CD109: variants seen among roughly 807,000 people sequenced by gnomAD.
The protein encoded by CD109 is CD109 antigen.
In CD109, 149 loss-of-function variants were observed where a neutral mutation model predicts 165.8. The observed-to-expected ratio is 0.90, with a 90% CI of 0.79 to 1.03. The LOEUF is 1.03. Ranked by LOEUF, CD109 falls within the 50% of genes least tolerant of loss-of-function variation. CD109 has a pLI of 0.00. For missense variants in CD109, 1,712 were observed against 1,677.8 expected (o/e 1.02, Z -0.36); for synonymous variants, 585 against 592.1 (o/e 0.99, Z 0.18).
chr6:73,766,250 A>G (rs1039018185), intron 11 of CD109, 96 bp downstream of exon 11: 20 of 917,344 alleles, frequency 2.2e-5, no homozygotes, highest in Middle Eastern at 2.2e-4. Flanking sequence ...GAAAGTACAT[A>G]GGAAGTGGAC....
chr6:73,809,941 T>A, intron 26 of CD109, 43 bp from the exon 27 acceptor site: 1 of 1,504,500 alleles, frequency 6.6e-7, no homozygotes, highest in Non-Finnish European at 9.0e-7. Flanking sequence ...AAATGTAATT[T>A]TTCTGGATAA....
chr6:73,707,797 T>A (rs1301644124), intron 2 of CD109, among the ~76,000 whole-genome samples: 1 of 151,978 alleles, frequency 6.6e-6, no homozygotes, highest in Non-Finnish European at 1.5e-5. Flanking sequence ...TCATGTTCAA[T>A]GTTAATATTT....
Position 73,771,574 on chromosome 6 carries a change from T to C in CD109, c.1820T>C (p.Met607Thr). ...NLMNASNDITMENVVHELELY... is the reference protein window; with the variant it reads ...NLMNASNDITTENVVHELELY... ...ATGAATGCCTCTAATGATATTACAA[T>C]GGAAAATGTGAGTTTAGCTATTTTT... is the stretch of plus-strand genomic sequence containing the variant. The change falls in exon 15 of 33, where the codon ATG becomes ACG. Residue 607 changes from methionine to threonine, a missense_variant. Transcript: ENST00000287097. The C allele has an allele frequency of 6.4e-7, 1 of 1,557,312 alleles. No individual in the cohort carries two copies. The highest frequency in any genetic ancestry group is 2.1e-5 in the Admixed American group (1 of 48,540).
chr6:73,699,770 A>G lies in CD109; in HGVS notation c.247+2198A>G, dbSNP rs565402996. Reference sequence around the variant, plus strand: ...TCTTTCATGGGCTGTTTTTGACTCTATTGACATAGAGTTTCATTGAAAATG... The same window carrying G: ...TCTTTCATGGGCTGTTTTTGACTCTGTTGACATAGAGTTTCATTGAAAATG... On this transcript the variant is annotated intron_variant, in intron 2 of 32. Transcript: ENST00000287097. Among the ~76,000 whole-genome samples the G allele has an allele frequency of 1.1e-4, 16 of 152,296 alleles. No homozygotes were observed. In the East Asian group the frequency reaches 3.1e-3, roughly 29 times the overall value.
chr6:73,816,409 T>A (rs367747690), intron 30 of CD109, among the ~76,000 whole-genome samples: 1 of 152,160 alleles, frequency 6.6e-6, no homozygotes, highest in South Asian at 2.1e-4. Flanking sequence ...TTTACATGCA[T>A]ATCATTTAAT....
chr6:73,718,933 C>A (rs1392258264), intron 2 of CD109, among the ~76,000 whole-genome samples: 1 of 152,012 alleles, frequency 6.6e-6, no homozygotes, highest in Non-Finnish European at 1.5e-5. Flanking sequence ...CCAGTTCTGT[C>A]CAATACAAGT....
At chr6:73,696,057 C>T, upstream of CD109, 1 of 664,570 alleles carries the variant, frequency 1.5e-6, no homozygotes, top group Non-Finnish European at 2.6e-6. Context: ...AGTCCTGTCT[C>T]AATTTAGATC....
chr6:73,689,115 G>A, the CD109 span, among the ~76,000 whole-genome samples: 3 of 152,096 alleles, frequency 2.0e-5, no homozygotes, highest in African/African-American at 4.8e-5. Context: ...TCCATTGGGC[G>A]ACATCTTTCA....
intron 4 of CD109, among the ~76,000 whole-genome samples, chr6:73,733,805 C>A (rs1772450721): frequency 6.6e-6 from 1 of 152,206 alleles, no homozygotes; most frequent in South Asian, 2.1e-4. Flanking sequence ...TTCTCTAATT[C>A]TACAGGCTGG....
chr6:73,760,368 C>T (rs1773571763), intron 7 of CD109, among the ~76,000 whole-genome samples: 1 of 125,684 alleles, frequency 8.0e-6, no homozygotes, highest in African/African-American at 3.0e-5. Flanking sequence ...GATTGTGCCA[C>T]TGCAGTCCGG....
intron 15 of CD109, among the ~76,000 whole-genome samples, chr6:73,773,561 T>C (rs1245493911): frequency 6.6e-6 from 1 of 152,204 alleles, no homozygotes; most frequent in African/African-American, 2.4e-5. Flanking sequence ...TTAGAAGTTA[T>C]GCGTTCTATT....
rs138774930 is a variant in CD109, at chr6:73,703,162, G to A, written c.247+5590G>A. 1.8e-3 allele frequency among the ~76,000 whole-genome samples: 270 copies of A among 152,312 alleles called. 3 individuals carry two copies. In the East Asian group the frequency reaches 0.036, roughly 20 times the overall value. ...GTGAAGCCTGAATTTGAAGTTAGTT[G>A]TATCTGAGGTCCAGAGACCATAAGG... is the stretch of plus-strand genomic sequence containing the variant. On this transcript the variant is annotated intron_variant, in intron 2 of 32. Coordinates refer to ENST00000287097, the MANE Select transcript of CD109 (RefSeq NM_133493.5).
In CD109 at chr6:73,827,531, A is replaced by C. The variant is rs989313255; in HGVS notation, c.*3898A>C. ...ACTGGGAGTAATTTGAGGTGCAATT[A>C]TTTTTATTACTACTTTGAATAGAGG... is the stretch of plus-strand genomic sequence containing the variant. On this transcript the variant is annotated 3_prime_UTR_variant, in exon 33 of 33. Coordinates refer to ENST00000287097, the MANE Select transcript of CD109 (RefSeq NM_133493.5). 3.3e-5 allele frequency: 5 copies of C among 152,062 alleles called. No homozygotes were observed. The highest frequency in any genetic ancestry group is 5.9e-5 in the Non-Finnish European group (4 of 67,990). 9.4% of individuals were successfully genotyped at this position (152,062 alleles called of 1,614,324 possible).
chr6:73,703,461 G>A (rs1420262357), intron 2 of CD109, among the ~76,000 whole-genome samples: 1 of 152,220 alleles, frequency 6.6e-6, no homozygotes, highest in Admixed American at 6.5e-5. Context: ...GGAGACTGAG[G>A]TGAGGCATGG....
intron 23 of CD109, among the ~76,000 whole-genome samples, chr6:73,794,370 G>A (rs1321973944): frequency 1.3e-5 from 2 of 152,164 alleles, no homozygotes; most frequent in African/African-American, 2.4e-5. Flanking sequence ...ACCAGGAATC[G>A]GGACGGGATG....
chr6:73,688,767 T>G, the CD109 span, among the ~76,000 whole-genome samples: 3 of 115,348 alleles, frequency 2.6e-5, no homozygotes, highest in Non-Finnish European at 5.0e-5. Context: ...CTTTGTTTTT[T>G]TTTTTTTTTT....
intron 5 of CD109, among the ~76,000 whole-genome samples, chr6:73,746,630 T>A (rs111896741): frequency 6.6e-5 from 10 of 152,128 alleles, no homozygotes; most frequent in African/African-American, 2.4e-4. Flanking sequence ...GTTTGTCCCT[T>A]GTACTGCATA....
rs148402743 is a variant in CD109 at position 73,754,878 on chromosome 6, T to C, written c.634-1765T>C. Among the ~76,000 whole-genome samples, 151 of 152,342 alleles carry C rather than the reference T, an allele frequency of 9.9e-4. 1 individual carries two copies. The highest frequency in any genetic ancestry group is 7.3e-3 in the Admixed American group (111 of 15,304). On this transcript the variant is annotated intron_variant, in intron 5 of 32. Transcript: ENST00000287097. Reference sequence around the variant, plus strand: ...CCAGGACACTGTCAGTCTTGAATTATTGTTCTTGACTATGTCTGTCTCCAC... The same window carrying C: ...CCAGGACACTGTCAGTCTTGAATTACTGTTCTTGACTATGTCTGTCTCCAC...
At position 73,696,267 on chromosome 6, in the gene CD109, G is replaced by T. The variant is rs747990886; in HGVS notation, c.52G>T (p.Ala18Ser). ...TAAHLLCVCTAALAVAPGPRF... is the reference protein window; with the variant it reads ...TAAHLLCVCTSALAVAPGPRF... ...CGCCCACCTCCTCTGCGTGTGCACCGCCGCGCTGGCCGTGGCTCCCGGGTA... is the reference window on the plus strand; with the variant it reads ...CGCCCACCTCCTCTGCGTGTGCACCTCCGCGCTGGCCGTGGCTCCCGGGTA... Residue 18 changes from alanine (A) to serine (S), a missense_variant, in exon 1 of 33, where the codon GCC becomes TCC. Transcript: ENST00000287097. 6.5e-7 allele frequency: 1 copy of T among 1,530,218 alleles called. No homozygotes were observed. The highest frequency in any genetic ancestry group is 8.7e-7 in the Non-Finnish European group (1 of 1,144,098). The allele number at this position is 1,530,218 out of a possible 1,614,324, so 94.8% of individuals were successfully genotyped here.
Sources: allele counts gnomAD v4.1 joint callset (sites outside exome capture counted in the v4.1 genomes callset), GRCh38; gene constraint gnomAD v4.1.1; transcripts MANE v1.5; gene names NCBI Gene and HGNC (gene_info 2026-07-23, HGNC 2026-07-21).